Variants in CFAP61 observed in about 807,000 individuals in gnomAD.
CFAP61 encodes the protein cilia- and flagella-associated protein 61.
Under a neutral mutation model 135.6 loss-of-function variants are expected in CFAP61, and 107 were observed. That is an observed-to-expected ratio of 0.79 (90% CI 0.67 to 0.93). CFAP61 has a LOEUF of 0.93. Ranked by LOEUF, CFAP61 falls within the 40% of genes least tolerant of loss-of-function variation. The pLI, the probability that CFAP61 is intolerant of heterozygous loss-of-function variation, is 0.00. For synonymous variants in CFAP61, 575 were observed against 578.5 expected, an observed-to-expected ratio of 0.99 and a Z score of 0.09; for missense variants, 1,507 against 1,556.2, an observed-to-expected ratio of 0.97 and a Z score of 0.53.
At chr20:20,162,134 T>C (rs2053452991) in intron 10 of CFAP61, among the ~76,000 whole-genome samples, 2 of 152,108 alleles carry the variant, frequency 1.3e-5, no homozygotes, top group African/African-American at 2.4e-5. Flanking sequence ...TGTGTCCCCT[T>C]CCTCCATCTT....
At chr20:20,097,137 T>G (rs978311007) in intron 7 of CFAP61, among the ~76,000 whole-genome samples, 1 of 151,918 alleles carries the variant, frequency 6.6e-6, no homozygotes, top group Admixed American at 6.6e-5. Flanking sequence ...AAACTGAGTA[T>G]TATTGTAGCC....
chr20:20,129,650 A>G (rs1023788557), intron 8 of CFAP61, among the ~76,000 whole-genome samples: 6 of 147,112 alleles, frequency 4.1e-5, no homozygotes, highest in African/African-American at 1.0e-4. Context: ...TTCTACCCCT[A>G]TTCTTGCTCA....
rs536652436 is a variant in CFAP61 at position 20,065,448 on chromosome 20, C to G, written c.144-5406C>G. On this transcript the variant is annotated intron_variant, in intron 2 of 26. Transcript: ENST00000245957. ...AAAAGGTTGCAACCTATCTTAGAAG[C>G]CAGCGTATTTTCAGAAGTAAAAGCA... Among the ~76,000 whole-genome samples the G allele has an allele frequency of 3.9e-5, 6 of 151,962 alleles. No individual in the cohort carries two copies. The South Asian group carries it at 1.2e-3, about 32-fold the overall frequency.
chr20:20,121,498 T>G (rs1446386870), intron 8 of CFAP61, among the ~76,000 whole-genome samples: 1 of 151,956 alleles, frequency 6.6e-6, no homozygotes, highest in Non-Finnish European at 1.5e-5. Context: ...TTTAAAATTT[T>G]TAAATATATT....
intron 2 of CFAP61, among the ~76,000 whole-genome samples, chr20:20,068,035 A>T (rs1391808316): frequency 3.3e-5 from 5 of 152,158 alleles, no homozygotes; most frequent in Admixed American, 3.3e-4. Context: ...AGCATACTGA[A>T]TCTTTAATGT....
intron 10 of CFAP61, among the ~76,000 whole-genome samples, chr20:20,162,981 C>T (rs6112799): frequency 0.13 from 19,430 of 152,024 alleles, 1,423 homozygotes; most frequent in Non-Finnish European, 0.15. Flanking sequence ...CTAGCCACTG[C>T]ATCAATATTG....
chr20:20,294,270 C>A (rs1368183629), intron 24 of CFAP61, among the ~76,000 whole-genome samples: 1 of 152,216 alleles, frequency 6.6e-6, no homozygotes, highest in Non-Finnish European at 1.5e-5. Context: ...CTGGGCTTCA[C>A]TGGGTTATCC....
intron 26 of CFAP61, among the ~76,000 whole-genome samples, chr20:20,345,042 T>TA (rs1569319305): frequency 6.6e-6 from 1 of 151,952 alleles, no homozygotes; most frequent in Non-Finnish European, 1.5e-5. Flanking sequence ...TGTGGGAGCT[T>TA]AAAAAAAATA....
chr20:20,075,667 C>T, intron 6 of CFAP61, 52 bp downstream of exon 6: 3 of 1,590,204 alleles, frequency 1.9e-6, no homozygotes, highest in Non-Finnish European at 2.6e-6. Context: ...GGACAGTCAT[C>T]TTCCCAAGAC....
chr20:20,232,902 A>C (rs1390738182), intron 18 of CFAP61: 1 of 152,176 alleles, frequency 6.6e-6, no homozygotes, highest in African/African-American at 2.4e-5. Flanking sequence ...ACCGGTGGGC[A>C]CTGGAAAGCC....
chr20:20,277,020 T>G, intron 21 of CFAP61, 146 bp from the exon 22 acceptor site: 1 of 584,162 alleles, frequency 1.7e-6, no homozygotes, highest in Non-Finnish European at 3.0e-6. Flanking sequence ...CTAAATGATC[T>G]TGGTCGCCGT....
chr20:20,189,076 C>A (rs1267274530), intron 14 of CFAP61, among the ~76,000 whole-genome samples: 2 of 152,186 alleles, frequency 1.3e-5, no homozygotes, highest in East Asian at 3.8e-4. Context: ...CTTCATTCTA[C>A]TGTTGAGGTC....
At chr20:20,079,493 G>A (rs1390210036) in intron 6 of CFAP61, among the ~76,000 whole-genome samples, 1 of 152,102 alleles carries the variant, frequency 6.6e-6, no homozygotes, top group Non-Finnish European at 1.5e-5. Context: ...TTGTGTTGAA[G>A]GGAAGCAGAG....
chr20:20,214,475 G>A lies in CFAP61; in HGVS notation c.1933-13774G>A, dbSNP rs549394324. ...CTCCATGACTTGGAACGAGCAATAC[G>A]TATGTATTCAGGGAGGGGCATCGCA... On this transcript the variant is annotated intron_variant, in intron 17 of 26. Transcript: ENST00000245957. 10 of 152,310 alleles carry A rather than the reference G, an allele frequency of 6.6e-5. No individual in the cohort carries two copies. In the East Asian group the frequency reaches 7.7e-4, roughly 12 times the overall value. The allele number at this position is 152,310 out of a possible 1,614,324, so 9.4% of individuals were successfully genotyped here. A position where few individuals can be genotyped will look rare whatever the true frequency, so the allele number is the denominator to read the frequency against.
Position 20,302,686 on chromosome 20 carries a change from A to G in CFAP61, c.3422+4300A>G, listed in dbSNP as rs74273353. Reference sequence around the variant, plus strand: ...CAAAAATAAAAATAAAAAGTTAAGTAGGGGTAGTGAGGGGTAGTGCCCTTG... The same window carrying G: ...CAAAAATAAAAATAAAAAGTTAAGTGGGGGTAGTGAGGGGTAGTGCCCTTG... On this transcript the variant is annotated intron_variant, in intron 25 of 26. Coordinates refer to ENST00000245957, the MANE Select transcript of CFAP61 (RefSeq NM_015585.4). 9.7e-3 allele frequency among the ~76,000 whole-genome samples: 1,369 copies of G among 140,940 alleles called. 51 individuals are homozygous for G. Among genetic ancestry groups the G allele is most frequent in the East Asian group, 0.078 (401 of 5,170 alleles). 92.5% of individuals were successfully genotyped at this position (140,940 alleles called of 152,430 possible). A position where few individuals can be genotyped will look rare whatever the true frequency, so the allele number is the denominator to read the frequency against.
At chr20:20,296,101 CCTTCCCTCCCTCCTTCCCTTCCTTCCTT>C (rs2055474581) in intron 24 of CFAP61, among the ~76,000 whole-genome samples, 2 of 24,082 alleles carry the variant, frequency 8.3e-5, no homozygotes, top group African/African-American at 1.7e-4. Flanking sequence ...TTCCTTCCTT[CCTTCCCTCCCTCCTTCCCTTCCTTCCTT>C]CCTTCCTCCC....
chr20:20,069,841 C>G (rs983682513), intron 2 of CFAP61: 1 of 434,214 alleles, frequency 2.3e-6, no homozygotes. Context: ...GTCATCTCCT[C>G]TCCGCCTCTT....
intron 8 of CFAP61, 91 bp from the exon 9 acceptor site, chr20:20,142,766 T>G: frequency 1.3e-6 from 1 of 763,462 alleles, no homozygotes; most frequent in South Asian, 1.7e-5. Context: ...CATTGTAGTC[T>G]AAAACCATGT....
intron 9 of CFAP61, among the ~76,000 whole-genome samples, chr20:20,158,679 A>G (rs1009559262): frequency 6.6e-6 from 1 of 152,234 alleles, no homozygotes; most frequent in Non-Finnish European, 1.5e-5. Context: ...GTAATATAAA[A>G]TTACAGAAAG....
Sources: gnomAD v4.1 joint callset for allele counts (sites outside exome capture counted in the v4.1 genomes callset) on GRCh38, gnomAD v4.1.1 for gene constraint, MANE v1.5 for transcripts, NCBI Gene and HGNC (gene_info 2026-07-23, HGNC 2026-07-21) for gene names.